RBM6: variants seen among roughly 807,000 people sequenced by gnomAD.
RBM6 encodes RNA binding motif protein 6.
RBM6 carries 23 observed loss-of-function variants against 140.4 expected under a neutral mutation model. That is an observed-to-expected ratio of 0.16 (90% CI 0.12 to 0.23). The LOEUF (loss-of-function observed/expected upper bound fraction) is 0.23, where lower values mean the gene tolerates loss of function less well. Among genes scored for constraint, RBM6 ranks in the 10% least tolerant of loss-of-function variants. RBM6 has a pLI of 1.00. For missense variants in RBM6, 1,139 were observed against 1,386.7 expected, an observed-to-expected ratio of 0.82 and a Z score of 2.84; for synonymous variants, 439 against 475.6, an observed-to-expected ratio of 0.92 and a Z score of 1.00.
At chr3:50,001,470 A>T (rs1027870726) in intron 6 of RBM6, among the ~76,000 whole-genome samples, 4 of 152,148 alleles carry the variant, frequency 2.6e-5, no homozygotes, top group African/African-American at 9.7e-5. Context: ...AAAAAAGTAC[A>T]GTTAACTATT....
intron 5 of RBM6, among the ~76,000 whole-genome samples, chr3:49,981,362 C>T (rs1267050979): frequency 6.6e-6 from 1 of 152,152 alleles, no homozygotes; most frequent in Non-Finnish European, 1.5e-5. Context: ...TTCTTAAGCC[C>T]CATCCTAAAC....
intron 6 of RBM6, among the ~76,000 whole-genome samples, chr3:50,006,584 G>A (rs542994752): frequency 2.6e-5 from 4 of 152,064 alleles, no homozygotes; most frequent in Non-Finnish European, 4.4e-5. Flanking sequence ...GTGTTTTAAC[G>A]TACTCTCACA....
chr3:50,019,098 C>A (rs1018952662), intron 6 of RBM6, among the ~76,000 whole-genome samples: 1 of 151,448 alleles, frequency 6.6e-6, no homozygotes, highest in Non-Finnish European at 1.5e-5. Context: ...TACAGTTGGA[C>A]GATCTCAGCT....
At chr3:50,071,160 G>A (rs565667442) in intron 19 of RBM6, among the ~76,000 whole-genome samples, 94 of 152,306 alleles carry the variant, frequency 6.2e-4, no homozygotes, top group African/African-American at 2.2e-3. Flanking sequence ...GAAGGGAAGG[G>A]CATTTCAGGG....
intron 1 of RBM6, among the ~76,000 whole-genome samples, chr3:49,955,837 T>C (rs2083957546): frequency 7.0e-6 from 1 of 142,124 alleles, no homozygotes; most frequent in East Asian, 2.0e-4. Flanking sequence ...TCTCTCTCTC[T>C]CTCTGTGTCT....
At chr3:50,028,869 C>A (rs2087986353) in intron 6 of RBM6, among the ~76,000 whole-genome samples, 1 of 152,108 alleles carries the variant, frequency 6.6e-6, no homozygotes, top group South Asian at 2.1e-4. Flanking sequence ...TTTTTAATTT[C>A]TGTAAAATGT....
At chr3:49,948,678 C>T (rs2083598049) in intron 1 of RBM6, among the ~76,000 whole-genome samples, 1 of 148,272 alleles carries the variant, frequency 6.7e-6, no homozygotes, top group Non-Finnish European at 1.5e-5. Context: ...CGCCACTGCA[C>T]TCTAGATTGG....
intron 19 of RBM6, among the ~76,000 whole-genome samples, chr3:50,074,609 A>G (rs1398973109): frequency 6.6e-6 from 1 of 152,160 alleles, no homozygotes; most frequent in Non-Finnish European, 1.5e-5. Context: ...GTATTTCTAT[A>G]GCAGACATCT....
At chr3:50,015,294 G>A (rs2087071766) in intron 6 of RBM6, among the ~76,000 whole-genome samples, 1 of 149,550 alleles carries the variant, frequency 6.7e-6, no homozygotes, top group Admixed American at 6.7e-5. Context: ...TTTTAGCAGA[G>A]GCGGGGTTTC....
intron 3 of RBM6, among the ~76,000 whole-genome samples, chr3:49,970,004 G>C (rs2624850): frequency 1.3e-5 from 2 of 151,564 alleles, no homozygotes; most frequent in Non-Finnish European, 2.9e-5. Context: ...GCAGTGGCAC[G>C]ATCTTGGCTC....
At chr3:50,074,040 G>T (rs2090385685) in intron 19 of RBM6, among the ~76,000 whole-genome samples, 1 of 152,108 alleles carries the variant, frequency 6.6e-6, no homozygotes, top group Non-Finnish European at 1.5e-5. Flanking sequence ...TGTTGGTCAG[G>T]GTGGTCTCGA....
intron 2 of RBM6, among the ~76,000 whole-genome samples, chr3:49,966,773 T>C (rs1021892704): frequency 1.3e-5 from 2 of 151,884 alleles, no homozygotes; most frequent in African/African-American, 4.8e-5. Context: ...CCTTCTACCT[T>C]CTGTGATACC....
intron 8 of RBM6, 122 bp downstream of exon 8, chr3:50,054,517 T>G: frequency 1.0e-6 from 1 of 953,590 alleles, no homozygotes; most frequent in East Asian, 2.5e-5. Flanking sequence ...CCTTTTTTTT[T>G]TTTTTTGAGA....
At chr3:49,945,032 C>T (rs1443862795) in intron 1 of RBM6, among the ~76,000 whole-genome samples, 3 of 151,790 alleles carry the variant, frequency 2.0e-5, no homozygotes, top group South Asian at 2.1e-4. Context: ...TCCGCCACCA[C>T]GCCCGGCTAA....
At chr3:50,072,529 C>T (rs1327808725) in intron 19 of RBM6, among the ~76,000 whole-genome samples, 1 of 152,082 alleles carries the variant, frequency 6.6e-6, no homozygotes, top group African/African-American at 2.4e-5. Flanking sequence ...GGTTTTGGGG[C>T]TCTGGCATTC....
intron 14 of RBM6, 192 bp downstream of exon 14, chr3:50,061,739 G>A (rs2089951339): frequency 2.2e-6 from 3 of 1,363,436 alleles, no homozygotes; most frequent in Admixed American, 2.9e-5. Context: ...AGTGCCTTGT[G>A]GCAATACAGG....
rs1020993557 is a variant in RBM6 at position 50,054,329 on chromosome 3, T to A, written c.1633-6T>A. ...TCAGTCAAATTGATTTCCTTCTTCC[T>A]TACAGTGTAAGGCAAACATTGGTGG... On this transcript the variant is annotated splice_region_variant and splice_polypyrimidine_tract_variant and intron_variant, in intron 7 of 20. Coordinates refer to ENST00000266022, the MANE Select transcript of RBM6 (RefSeq NM_005777.3). 9 of 1,607,508 alleles carry A rather than the reference T, an allele frequency of 5.6e-6. No homozygotes were observed. The highest frequency in any genetic ancestry group is 5.0e-5 in the Admixed American group (3 of 59,978).
intron 6 of RBM6, among the ~76,000 whole-genome samples, chr3:50,020,880 T>TA (rs2087443215): frequency 6.6e-6 from 1 of 152,162 alleles, no homozygotes; most frequent in African/African-American, 2.4e-5. Context: ...TGCAAGCCCA[T>TA]TGTTGACTGA....
At chr3:49,955,026 T>A (rs2083908773) in intron 1 of RBM6, among the ~76,000 whole-genome samples, 2 of 152,132 alleles carry the variant, frequency 1.3e-5, no homozygotes, top group African/African-American at 4.8e-5. Flanking sequence ...CCCAAAGTGC[T>A]GGGATTACAG....
Sources: gnomAD v4.1 joint callset for allele counts (sites outside exome capture counted in the v4.1 genomes callset) on GRCh38, gnomAD v4.1.1 for gene constraint, MANE v1.5 for transcripts, NCBI Gene and HGNC (gene_info 2026-07-23, HGNC 2026-07-21) for gene names.